Variants in FBXO34 observed in about 807,000 individuals in gnomAD.
FBXO34 encodes F-box protein 34.
In FBXO34, 12 loss-of-function variants were observed where a neutral mutation model predicts 24.5. That is an observed-to-expected ratio of 0.49 (90% confidence interval 0.31 to 0.79). The LOEUF is 0.79. Among genes scored for constraint, FBXO34 ranks in the 30% least tolerant of loss-of-function variants. The probability of loss-of-function intolerance (pLI) is 0.04; values close to 1 mark genes in which losing one functional copy is unlikely to be tolerated. For synonymous variants in FBXO34, 320 were observed against 311.9 expected, an observed-to-expected ratio of 1.03 and a Z score of -0.27; for missense variants, 823 against 857.7, an observed-to-expected ratio of 0.96 and a Z score of 0.51.
downstream of FBXO34, chr14:55,369,897 G>A (rs1353965612): frequency 6.2e-7 from 1 of 1,612,812 alleles, no homozygotes; most frequent in Non-Finnish European, 8.5e-7. Flanking sequence ...GACTCCTCAA[G>A]GTCTGCTCGT....
the FBXO34 span, chr14:55,429,104 TGAG>T: frequency 3.3e-5 from 37 of 1,127,266 alleles, no homozygotes; most frequent in East Asian, 5.0e-5. Context: ...GTAGGCTTTG[TGAG>T]GAGGACTTAC....
At position 55,331,693 on chromosome 14, in the gene FBXO34, A is replaced by ATATATATATG. The variant is rs1555338515; in HGVS notation, c.-10-18679_-10-18678insGTATATATAT. On this transcript the variant is annotated intron_variant, in intron 1 of 1. Transcript: ENST00000313833. The stretch of plus-strand genomic sequence containing the variant: ...TGTGTATATATATATATGTGTATAT[A>ATATATATATG]TATATATATATGTATATATATATGT... Among the ~76,000 whole-genome samples the ATATATATATG allele has an allele frequency of 1.2e-4, 8 of 66,532 alleles. 1 individual carries two copies. In the South Asian group the frequency reaches 1.6e-3, roughly 14 times the overall value. The allele number at this position is 66,532 out of a possible 152,430, so 43.6% of individuals were successfully genotyped here. A position where few individuals can be genotyped will look rare whatever the true frequency, so the allele number is the denominator to read the frequency against.
At chr14:55,423,835 G>C in the FBXO34 span, among the ~76,000 whole-genome samples, 6 of 152,174 alleles carry the variant, frequency 3.9e-5, no homozygotes, top group South Asian at 1.2e-3. Flanking sequence ...TAACCCCTGT[G>C]TTAGGACCTT....
At chr14:55,412,381 G>C in the FBXO34 span, among the ~76,000 whole-genome samples, 1 of 152,118 alleles carries the variant, frequency 6.6e-6, no homozygotes, top group Admixed American at 6.5e-5. Flanking sequence ...GGATTAATAT[G>C]GTTAATAGTA....
At chr14:55,335,293 A>G (rs1452458864) in intron 1 of FBXO34, 1 of 152,262 alleles carries the variant, frequency 6.6e-6, no homozygotes. Flanking sequence ...TAGGGGGGTT[A>G]TAAAAATGTC....
intron 1 of FBXO34, among the ~76,000 whole-genome samples, chr14:55,273,634 T>C (rs1423462213): frequency 6.6e-6 from 1 of 152,202 alleles, no homozygotes; most frequent in Non-Finnish European, 1.5e-5. Flanking sequence ...TGAATTATTA[T>C]GCAACTGCTG....
chr14:55,360,436 T>C (rs932439690), intron 3 of FBXO34, among the ~76,000 whole-genome samples: 1 of 152,138 alleles, frequency 6.6e-6, no homozygotes, highest in Non-Finnish European at 1.5e-5. Context: ...AGTTTTATTA[T>C]GAGATTGCAG....
At chr14:55,333,367 A>C (rs1258304238) in intron 1 of FBXO34, among the ~76,000 whole-genome samples, 1 of 152,184 alleles carries the variant, frequency 6.6e-6, no homozygotes, top group East Asian at 1.9e-4. Flanking sequence ...CTAATAACCC[A>C]GCACTAAAAT....
the FBXO34 span, among the ~76,000 whole-genome samples, chr14:55,400,548 AAGTGAATAGCCT>A: frequency 6.6e-6 from 1 of 152,200 alleles, no homozygotes; most frequent in South Asian, 2.1e-4. Flanking sequence ...GTAACGATAC[AAGTGAATAGCCT>A]AGTGCACTTT....
chr14:55,324,180 T>A (rs1883265139), intron 1 of FBXO34, among the ~76,000 whole-genome samples: 1 of 151,144 alleles, frequency 6.6e-6, no homozygotes, highest in South Asian at 2.2e-4. Flanking sequence ...ACAAATAGAA[T>A]CATATAGTAT....
chr14:55,331,848 T>TAC lies in FBXO34; in HGVS notation c.-10-18530_-10-18529dup, dbSNP rs1329342965. 9.6e-5 allele frequency among the ~76,000 whole-genome samples: 4 copies of TAC among 41,782 alleles called. 2 individuals carry two copies. The highest frequency in any genetic ancestry group is 8.5e-5 in the Non-Finnish European group (2 of 23,600). The allele number at this position is 41,782 out of a possible 152,430, so 27.4% of individuals were successfully genotyped here. ...GGGTGTATATATAAAAATATATATATACACCACCGGGGTGTATATATAAAA... is the reference window on the plus strand; with the variant it reads ...GGGTGTATATATAAAAATATATATATACACACCACCGGGGTGTATATATAAAA... On this transcript the variant is annotated intron_variant, in intron 1 of 1. Transcript: ENST00000313833.
the FBXO34 span, among the ~76,000 whole-genome samples, chr14:55,427,551 G>A: frequency 1.3e-5 from 2 of 152,150 alleles, no homozygotes; most frequent in Non-Finnish European, 2.9e-5. Flanking sequence ...AAGAACTTCA[G>A]TTCCAGCTTG....
Position 55,279,495 on chromosome 14 carries a change from G to C in FBXO34, c.-11+7958G>C, listed in dbSNP as rs575041897. Among the ~76,000 whole-genome samples, 4 of 152,194 alleles carry C rather than the reference G, an allele frequency of 2.6e-5. No individual in the cohort carries two copies. In the South Asian group the frequency reaches 8.3e-4, roughly 32 times the overall value. On this transcript the variant is annotated intron_variant, in intron 1 of 1. Transcript: ENST00000313833. ...GGCTGAATTCACAGTGAAAGGAAATGCTAAATTTCAGTTAGAGGTTAAAGT... is the reference window on the plus strand; with the variant it reads ...GGCTGAATTCACAGTGAAAGGAAATCCTAAATTTCAGTTAGAGGTTAAAGT...
the FBXO34 span, among the ~76,000 whole-genome samples, chr14:55,425,074 A>G: frequency 6.6e-6 from 1 of 152,258 alleles, no homozygotes; most frequent in African/African-American, 2.4e-5. Flanking sequence ...GACTGCATGG[A>G]AAAGCTCCAT....
downstream of FBXO34, chr14:55,354,689 C>G (rs1219176281): frequency 2.0e-5 from 3 of 152,290 alleles, no homozygotes; most frequent in African/African-American, 7.2e-5. Flanking sequence ...CCGGTGCTGT[C>G]TGCATGAAAG....
chr14:55,367,882 C>CAAAT (rs1287378689), exon 3 of FBXO34: 1 of 152,340 alleles, frequency 6.6e-6, no homozygotes, highest in East Asian at 1.9e-4. Flanking sequence ...TACAAAACAC[C>CAAAT]AAATATACCA....
the FBXO34 span, among the ~76,000 whole-genome samples, chr14:55,384,217 C>G: frequency 6.6e-6 from 1 of 152,182 alleles, no homozygotes; most frequent in South Asian, 2.1e-4. Context: ...AAGATTAAAA[C>G]AGCACAGAAA....
chr14:55,397,953 T>TG, the FBXO34 span, among the ~76,000 whole-genome samples: 1 of 146,038 alleles, frequency 6.8e-6, no homozygotes, highest in East Asian at 2.0e-4. Context: ...CTTTTTTTTT[T>TG]TTTTTTTTTT....
At chr14:55,403,302 A>G in the FBXO34 span, among the ~76,000 whole-genome samples, 2 of 152,064 alleles carry the variant, frequency 1.3e-5, no homozygotes, top group African/African-American at 4.8e-5. Flanking sequence ...ACTTAATCTT[A>G]CCATGCATTA....
Sources: gnomAD v4.1 joint callset for allele counts (sites outside exome capture counted in the v4.1 genomes callset) on GRCh38, gnomAD v4.1.1 for gene constraint, MANE v1.5 for transcripts, NCBI Gene and HGNC (gene_info 2026-07-23, HGNC 2026-07-21) for gene names.